GEMIN8: variants seen among roughly 807,000 people sequenced by gnomAD.
GEMIN8 encodes gem nuclear organelle associated protein 8.
For missense variants in GEMIN8, 185 were observed against 205.9 expected (o/e 0.90, Z 0.62); for synonymous variants, 80 against 78.5 (o/e 1.02, Z -0.10).
At chrX:14,014,766 G>A (rs753096034) in intron 4 of GEMIN8, among the ~76,000 whole-genome samples, 5 of 111,937 alleles carry the variant, frequency 4.5e-5, no homozygotes, top group Non-Finnish European at 9.4e-5. Flanking sequence ...TCAAACGTAT[G>A]AAAACCACAT....
chrX:14,020,061 C>T lies in GEMIN8; in HGVS notation c.472+17G>A. 9.8e-7 allele frequency: 1 copy of T among 1,019,963 alleles called. No individual in the cohort carries two copies. The highest frequency in any genetic ancestry group is 1.4e-6 in the Non-Finnish European group (1 of 733,978). The allele number at this position is 1,019,963 out of a possible 1,213,427, so 84.1% of individuals were successfully genotyped here. ...GGCAAGGAAAGGAAGCATGAAGAGA[C>T]AGAGGCCTGAACTTACGTCGTTCTT... On this transcript the variant is annotated intron_variant, in intron 4 of 4. Transcript: ENST00000680255.
intron 4 of GEMIN8, among the ~76,000 whole-genome samples, chrX:14,018,177 A>C (rs772497763): frequency 4.5e-5 from 5 of 112,193 alleles, no homozygotes; most frequent in Admixed American, 1.9e-4. Context: ...TTAGCAGGTA[A>C]TTTTCATGAT....
chrX:14,025,986 G>C, intron 2 of GEMIN8, 154 bp downstream of exon 2: 1 of 631,230 alleles, frequency 1.6e-6, no homozygotes, highest in Non-Finnish European at 1.9e-6. Context: ...AAGAATGCCT[G>C]GGTTTCTGAA....
the GEMIN8 span, among the ~76,000 whole-genome samples, chrX:13,998,490 T>G: frequency 9.0e-6 from 1 of 111,088 alleles, no homozygotes; most frequent in African/African-American, 3.3e-5. Flanking sequence ...AAGACATGCT[T>G]GCTTCCCCTT....
At chrX:13,990,057 G>T in the GEMIN8 span, among the ~76,000 whole-genome samples, 1 of 112,490 alleles carries the variant, frequency 8.9e-6, no homozygotes, top group African/African-American at 3.2e-5. Context: ...CTGAAATGTG[G>T]CTATGTGACC....
At chrX:14,021,814 G>GTGTATATATATATATA (rs372889181) in intron 2 of GEMIN8, among the ~76,000 whole-genome samples, 84 of 78,228 alleles carry the variant, frequency 1.1e-3, no homozygotes, top group African/African-American at 4.2e-3. Flanking sequence ...TAATGTGTGT[G>GTGTATATATATATATA]TATATATATA....
intron 1 of GEMIN8, chrX:14,027,077 T>C (rs987047235): frequency 4.4e-5 from 5 of 112,991 alleles, no homozygotes; most frequent in African/African-American, 1.3e-4. Context: ...CTGAGTGAGA[T>C]AGATTGAGTC....
At chrX:14,017,794 T>C (rs1306769862) in intron 4 of GEMIN8, among the ~76,000 whole-genome samples, 1 of 112,337 alleles carries the variant, frequency 8.9e-6, no homozygotes, top group Non-Finnish European at 1.9e-5. Context: ...TTAGGATCCC[T>C]GTAATGACCT....
chrX:14,021,367 C>G, intron 3 of GEMIN8, 97 bp downstream of exon 3: 1 of 506,000 alleles, frequency 2.0e-6, no homozygotes, highest in Non-Finnish European at 3.4e-6. Context: ...GCCCGTTGTG[C>G]GCATGTACCC....
chrX:14,008,697 A>G lies in GEMIN8; in HGVS notation c.*216T>C. The G allele has an allele frequency of 2.3e-6, 1 of 428,984 alleles. No individual in the cohort carries two copies. Among genetic ancestry groups the G allele is most frequent in the Non-Finnish European group, 4.0e-6 (1 of 247,155 alleles). 35.4% of individuals were successfully genotyped at this position (428,984 alleles called of 1,213,427 possible). On this transcript the variant is annotated 3_prime_UTR_variant, in exon 5 of 5. Coordinates refer to ENST00000680255, the MANE Select transcript of GEMIN8 (RefSeq NM_001042479.2). The stretch of plus-strand genomic sequence containing the variant: ...AGTATATGCAAAATTATTTTATGTC[A>G]GGAGAAAATTTATCATGTTGGCAAC...
At chrX:14,002,301 A>G (rs1922995231), downstream of GEMIN8, among the ~76,000 whole-genome samples, 2 of 102,189 alleles carry the variant, frequency 2.0e-5, no homozygotes, top group Admixed American at 1.1e-4. Flanking sequence ...AGATATACAG[A>G]TAAGATGGGT....
chrX:14,009,223 A>G, intron 4 of GEMIN8, 54 bp from the exon 5 acceptor site: 1 of 1,145,369 alleles, frequency 8.7e-7, no homozygotes, highest in Non-Finnish European at 1.2e-6. Context: ...TGTGCACTGC[A>G]GAAGGAGCCC....
the GEMIN8 span, among the ~76,000 whole-genome samples, chrX:13,993,538 C>T: frequency 9.5e-6 from 1 of 105,722 alleles, no homozygotes; most frequent in East Asian, 3.0e-4. Context: ...ACATCAGCCT[C>T]TTGAGCAGCT....
downstream of GEMIN8, among the ~76,000 whole-genome samples, chrX:14,005,196 G>A (rs1318388858): frequency 1.8e-5 from 2 of 110,046 alleles, no homozygotes; most frequent in Non-Finnish European, 3.8e-5. Flanking sequence ...CTAATGAGGT[G>A]ACTCTTGGTG....
chrX:14,000,488 T>C, the GEMIN8 span, among the ~76,000 whole-genome samples: 1 of 109,646 alleles, frequency 9.1e-6, no homozygotes, highest in Non-Finnish European at 1.9e-5. Context: ...TCCCAGCTTC[T>C]TGGGAGGCTG....
the GEMIN8 span, among the ~76,000 whole-genome samples, chrX:13,993,441 C>CT: frequency 0.018 from 1,598 of 90,591 alleles, 12 homozygotes; most frequent in Non-Finnish European, 0.022. Context: ...GTTGTGTATA[C>CT]TTTTTTTTTT....
At chrX:14,023,383 T>C (rs1022968283) in intron 2 of GEMIN8, among the ~76,000 whole-genome samples, 3 of 93,953 alleles carry the variant, frequency 3.2e-5, no homozygotes, top group African/African-American at 1.2e-4. Context: ...TTTATATTCC[T>C]TTTTTTTTTT....
chrX:13,985,174 T>G, the GEMIN8 span, among the ~76,000 whole-genome samples: 4 of 111,454 alleles, frequency 3.6e-5, no homozygotes, highest in Middle Eastern at 4.6e-3. Flanking sequence ...GGCTCAGGAT[T>G]TTTTGGGTTA....
At chrX:14,002,296 T>G (rs185915698), downstream of GEMIN8, among the ~76,000 whole-genome samples, 1 of 103,106 alleles carries the variant, frequency 9.7e-6, no homozygotes, top group Non-Finnish European at 2.0e-5. Flanking sequence ...ATGATAGATA[T>G]ACAGATAAGA....
Sources: allele counts gnomAD v4.1 joint callset (sites outside exome capture counted in the v4.1 genomes callset), GRCh38; gene constraint gnomAD v4.1.1; transcripts MANE v1.5; gene names NCBI Gene and HGNC (gene_info 2026-07-23, HGNC 2026-07-21).